DGKB: variants seen among roughly 807,000 people sequenced by gnomAD.
The protein encoded by DGKB is 90 kDa diacylglycerol kinase.
DGKB carries 67 observed loss-of-function variants against 114.3 expected under a neutral mutation model. The observed-to-expected ratio is 0.59, with a 90% CI of 0.48 to 0.72. DGKB has a LOEUF of 0.72. Ranked by LOEUF, DGKB falls within the 30% of genes least tolerant of loss-of-function variation. The pLI, the probability that DGKB is intolerant of heterozygous loss-of-function variation, is 0.00. For synonymous variants in DGKB, 398 were observed against 323.1 expected (o/e 1.23, Z -2.49); for missense variants, 907 against 975.2 (o/e 0.93, Z 0.93).
intron 21 of DGKB, among the ~76,000 whole-genome samples, chr7:14,426,922 C>T (rs142557372): frequency 2.3e-4 from 35 of 151,656 alleles, no homozygotes; most frequent in African/African-American, 8.0e-4. Flanking sequence ...TAGCCAGGCA[C>T]GGTGGAGTGT....
intron 21 of DGKB, among the ~76,000 whole-genome samples, chr7:14,451,995 A>G (rs1229684039): frequency 6.6e-6 from 1 of 152,286 alleles, no homozygotes. Context: ...AAGCCCATCA[A>G]GAGAATTTTT....
At chr7:14,782,036 TTCA>T (rs1839180047) in intron 2 of DGKB, among the ~76,000 whole-genome samples, 1 of 152,178 alleles carries the variant, frequency 6.6e-6, no homozygotes, top group Non-Finnish European at 1.5e-5. Flanking sequence ...ATTATTTTAT[TTCA>T]TTTGAGACAG....
intron 9 of DGKB, among the ~76,000 whole-genome samples, chr7:14,689,337 G>A (rs1369301703): frequency 6.6e-6 from 1 of 150,762 alleles, no homozygotes; most frequent in African/African-American, 2.4e-5. Flanking sequence ...CACTGCGCCC[G>A]GCTAATTTTT....
At chr7:14,155,103 A>G (rs1782806272) in intron 25 of DGKB, among the ~76,000 whole-genome samples, 1 of 152,070 alleles carries the variant, frequency 6.6e-6, no homozygotes, top group Non-Finnish European at 1.5e-5. Flanking sequence ...GAGAAGCCCT[A>G]GCCTATTTGT....
At chr7:14,597,948 A>G (rs1183643675) in intron 17 of DGKB, among the ~76,000 whole-genome samples, 1 of 152,142 alleles carries the variant, frequency 6.6e-6, no homozygotes, top group East Asian at 1.9e-4. Flanking sequence ...TTTAAAGCAC[A>G]ATCTTTTTTA....
In DGKB at chr7:14,149,230, A is replaced by T; in HGVS notation, c.2313T>A (p.Ile771=). 6.2e-7 allele frequency: 1 copy of T among 1,611,510 alleles called. No homozygotes were observed. Among genetic ancestry groups the T allele is most frequent in the African/African-American group, 1.3e-5 (1 of 74,872 alleles). The change falls in exon 26 of 26, where the codon ATT becomes ATA. Residue 771 remains isoleucine, a synonymous_variant. Coordinates refer to ENST00000402815, the MANE Select transcript of DGKB (RefSeq NM_001350709.2). ...GCATTGGGGCTTGGTTCTTGTGTGT[A>T]ATTTTTATCTAGAAAAAAAGAGAGA... The part of the protein sequence containing the change: ...PWMQTPCTIK[I]THKNQAPMLM...
chr7:14,732,271 A>G (rs1445529394), intron 5 of DGKB, among the ~76,000 whole-genome samples: 4 of 151,994 alleles, frequency 2.6e-5, no homozygotes, highest in African/African-American at 9.7e-5. Flanking sequence ...GTAAAAGACT[A>G]CCTACTCTAT....
At chr7:14,660,094 T>C (rs991288326) in intron 13 of DGKB, among the ~76,000 whole-genome samples, 2 of 151,250 alleles carry the variant, frequency 1.3e-5, no homozygotes, top group Non-Finnish European at 2.9e-5. Context: ...CACATGATCA[T>C]GGTGGATAAG....
intron 2 of DGKB, among the ~76,000 whole-genome samples, chr7:14,822,650 G>A (rs1043330384): frequency 6.6e-6 from 1 of 152,094 alleles, no homozygotes. Flanking sequence ...ATTCTACAGT[G>A]TATTTAGAGG....
At chr7:14,426,968 G>T (rs1346752693) in intron 21 of DGKB, among the ~76,000 whole-genome samples, 1 of 152,088 alleles carries the variant, frequency 6.6e-6, no homozygotes, top group South Asian at 2.1e-4. Context: ...GCTGAGGCAT[G>T]AAAATCACCT....
In DGKB at chr7:14,239,911, A is replaced by C. The variant is rs931083845; in HGVS notation, c.2123-61760T>G. Among the ~76,000 whole-genome samples, 3 of 152,072 alleles carry C rather than the reference A, an allele frequency of 2.0e-5. No individual in the cohort carries two copies. The East Asian group carries it at 5.8e-4, about 29-fold the overall frequency. Reference sequence around the variant, plus strand: ...TGGGAAAGGGGACTAATACGTATCTATTTTACCATATTACCTTTATAAATC... The same window carrying C: ...TGGGAAAGGGGACTAATACGTATCTCTTTTACCATATTACCTTTATAAATC... On this transcript the variant is annotated intron_variant, in intron 23 of 25. Coordinates refer to ENST00000402815, the MANE Select transcript of DGKB (RefSeq NM_001350709.2).
chr7:14,307,576 A>G (rs529334355), intron 23 of DGKB, among the ~76,000 whole-genome samples: 44 of 152,318 alleles, frequency 2.9e-4, no homozygotes, highest in African/African-American at 1.1e-3. Flanking sequence ...AACTGTACAA[A>G]TAAAATGCAG....
chr7:14,636,867 C>T (rs991794038), intron 13 of DGKB, among the ~76,000 whole-genome samples: 2 of 152,012 alleles, frequency 1.3e-5, no homozygotes, highest in East Asian at 3.9e-4. Flanking sequence ...AACCTGAATT[C>T]CTTAAGCTAG....
chr7:14,276,642 T>C (rs917907405), intron 23 of DGKB, among the ~76,000 whole-genome samples: 15 of 151,050 alleles, frequency 9.9e-5, no homozygotes, highest in Middle Eastern at 3.4e-3. Flanking sequence ...TTACTATGAA[T>C]GGTTTCTAAT....
At chr7:14,906,447 C>CTTTTTTTTTTTTTT (rs34250901), upstream of DGKB, among the ~76,000 whole-genome samples, 4 of 103,882 alleles carry the variant, frequency 3.9e-5, no homozygotes, top group Admixed American at 1.2e-4. Context: ...TTTTTTCTGT[C>CTTTTTTTTTTTTTT]TTTTTTTTTT....
At chr7:14,864,576 AG>A (rs1455293864) in intron 1 of DGKB, among the ~76,000 whole-genome samples, 2 of 152,236 alleles carry the variant, frequency 1.3e-5, no homozygotes, top group African/African-American at 4.8e-5. Flanking sequence ...AGTTATGCCC[AG>A]GTATATTGAG....
chr7:14,843,016 T>G (rs1209371844), intron 1 of DGKB, among the ~76,000 whole-genome samples: 1 of 152,078 alleles, frequency 6.6e-6, no homozygotes, highest in Admixed American at 6.5e-5. Flanking sequence ...GAGACCAGCC[T>G]GGACAACATA....
intron 1 of DGKB, among the ~76,000 whole-genome samples, chr7:14,941,939 A>G (rs1785591983): frequency 6.6e-6 from 1 of 152,048 alleles, no homozygotes; most frequent in African/African-American, 2.4e-5. Context: ...GTAAGTAATC[A>G]TATATTTGGA....
At chr7:14,518,340 C>T (rs1262019812) in intron 20 of DGKB, among the ~76,000 whole-genome samples, 4 of 151,914 alleles carry the variant, frequency 2.6e-5, no homozygotes, top group Non-Finnish European at 2.9e-5. Flanking sequence ...GGGTAAGGAT[C>T]GCAAAACTAC....
Sources: gnomAD v4.1 joint callset for allele counts (sites outside exome capture counted in the v4.1 genomes callset) on GRCh38, gnomAD v4.1.1 for gene constraint, MANE v1.5 for transcripts, NCBI Gene and HGNC (gene_info 2026-07-23, HGNC 2026-07-21) for gene names.